Variants in MCF2L observed in about 807,000 individuals in gnomAD.
MCF2L encodes guanine nucleotide exchange factor DBS.
Under a neutral mutation model 153.4 loss-of-function variants are expected in MCF2L, and 97 were observed. The observed-to-expected ratio is 0.63, with a 90% CI of 0.54 to 0.75. MCF2L has a LOEUF of 0.75. MCF2L is among the 30% of genes least tolerant of loss of function. MCF2L has a pLI of 0.00. For synonymous variants in MCF2L, 659 were observed against 632.2 expected, an observed-to-expected ratio of 1.04 and a Z score of -0.64; for missense variants, 1,347 against 1,495.2, an observed-to-expected ratio of 0.90 and a Z score of 1.64.
At position 113,060,632 on chromosome 13, in the gene MCF2L, C is replaced by G; in HGVS notation, c.409C>G (p.Arg137Gly). Reference protein sequence around the residue: ...PANLQLVLVLRPTGFFQRTLS... With the variant: ...PANLQLVLVLGPTGFFQRTLS... ...AAACCTGCAGCTCGTCCTCGTGCTT[C>G]GCCCGACGGGTTTTTTCCAAAGGAC... The change falls in exon 5 of 30, where the codon CGC (arginine) becomes GGC (glycine). Residue 137 changes from arginine (R) to glycine (G), a missense_variant. Physicochemically the swap from Arg to Gly is moderately radical, Grantham distance 125 (BLOSUM62 -2). Coordinates refer to ENST00000535094, the MANE Select transcript of MCF2L (RefSeq NM_001112732.3). 6.2e-7 allele frequency: 1 copy of G among 1,613,592 alleles called. No individual in the cohort carries two copies.
chr13:113,088,931 T>C (rs1279361256), intron 25 of MCF2L, among the ~76,000 whole-genome samples: 3 of 152,212 alleles, frequency 2.0e-5, no homozygotes, highest in Non-Finnish European at 4.4e-5. Context: ...CAGTCGGGGC[T>C]CAGCTGGGAG....
intron 1 of MCF2L, among the ~76,000 whole-genome samples, chr13:112,899,366 C>T (rs139689410): frequency 2.9e-3 from 444 of 152,298 alleles, no homozygotes; most frequent in African/African-American, 9.1e-3. Flanking sequence ...CCAAGGGTGG[C>T]GGCGCCTGTT....
intron 2 of MCF2L, among the ~76,000 whole-genome samples, chr13:113,019,049 T>C (rs950434667): frequency 1.3e-5 from 2 of 152,134 alleles, no homozygotes; most frequent in Non-Finnish European, 2.9e-5. Context: ...GGAAGAACGC[T>C]GGAGACCTTC....
intron 4 of MCF2L, among the ~76,000 whole-genome samples, chr13:113,047,854 G>A (rs1428593862): frequency 6.6e-6 from 1 of 151,460 alleles, no homozygotes; most frequent in African/African-American, 2.4e-5. Context: ...CTCTGCTCAC[G>A]CCTCACTACG....
At chr13:113,036,321 G>A (rs2086149710) in intron 3 of MCF2L, among the ~76,000 whole-genome samples, 1 of 152,248 alleles carries the variant, frequency 6.6e-6, no homozygotes, top group East Asian at 1.9e-4. Flanking sequence ...CACAGCCAGA[G>A]TTCTAAGACA....
intron 11 of MCF2L, 135 bp downstream of exon 11, chr13:113,075,324 T>A: frequency 1.4e-6 from 1 of 707,380 alleles, no homozygotes; most frequent in South Asian, 2.4e-5. Flanking sequence ...ACCCTTCGTT[T>A]CTGGTCTTGT....
chr13:113,036,354 C>T (rs750331488), intron 3 of MCF2L, among the ~76,000 whole-genome samples: 1 of 152,226 alleles, frequency 6.6e-6, no homozygotes, highest in African/African-American at 2.4e-5. Flanking sequence ...ACTTTTCTTT[C>T]GCTATTTCTT....
intron 1 of MCF2L, chr13:113,001,557 G>C (rs2083377231): frequency 5.3e-6 from 2 of 378,896 alleles, no homozygotes; most frequent in Non-Finnish European, 8.3e-6. Context: ...CCACTCAGTG[G>C]ATGGGACTTT....
chr13:112,902,043 C>G (rs9603986), intron 1 of MCF2L, among the ~76,000 whole-genome samples: 1 of 152,164 alleles, frequency 6.6e-6, no homozygotes, highest in Non-Finnish European at 1.5e-5. Context: ...GGAAATTGAC[C>G]GGAGAAGAAT....
chr13:113,094,621 G>A lies in MCF2L; in HGVS notation c.3061G>A (p.Gly1021Ser). 3 of 1,610,934 alleles carry A rather than the reference G, an allele frequency of 1.9e-6. No individual in the cohort carries two copies. Among genetic ancestry groups the A allele is most frequent in the Non-Finnish European group, 2.5e-6 (3 of 1,179,150 alleles). ...SSDAEEDGGL[G>S]PKKLVPGKYT... ...CGACGCAGAGGAGGACGGCGGGTTG[G>A]GCCCCAAGAAGCTGGTAACCACGGC... Residue 1021 changes from glycine (G) to serine (S), a missense_variant, in exon 27 of 30, where the codon GGC becomes AGC. By Grantham distance (56) the Gly-to-Ser change is moderately conservative. This residue lies in a region of MCF2L where 383 missense variants were observed against 335.4 expected (regional missense o/e 1.14). Transcript: ENST00000535094.
chr13:112,996,584 C>T (rs2083142836), intron 1 of MCF2L, among the ~76,000 whole-genome samples: 1 of 152,194 alleles, frequency 6.6e-6, no homozygotes, highest in Non-Finnish European at 1.5e-5. Context: ...CCTTCAGAGG[C>T]CCTGCGTCTC....
At chr13:113,016,091 G>A (rs967101241) in intron 2 of MCF2L, among the ~76,000 whole-genome samples, 7 of 152,182 alleles carry the variant, frequency 4.6e-5, no homozygotes, top group South Asian at 2.1e-4. Context: ...GTCCCAGGAC[G>A]GCCCCAGCCA....
chr13:112,962,557 A>T (rs1189014762), intron 2 of MCF2L, among the ~76,000 whole-genome samples: 9 of 152,088 alleles, frequency 5.9e-5, no homozygotes, highest in Admixed American at 5.2e-4. Context: ...CAGCCTTCAC[A>T]CCTGACAGCA....
In MCF2L at chr13:113,028,887, GGT is replaced by G. The variant is rs2085470919; in HGVS notation, c.278+4138_278+4139del. ...TGCGGGGTGTGTGTGGGGTATGTGTGGTGTGTGTGTAATGTGAGCATGTGGCA... is the reference window on the plus strand; with the variant it reads ...TGCGGGGTGTGTGTGGGGTATGTGTGGTGTGTGTAATGTGAGCATGTGGCA... On this transcript the variant is annotated intron_variant, in intron 3 of 29. Transcript: ENST00000535094. This position sits in a 1 kb window ranked among gnomAD's most constrained non-coding sequence, Gnocchi z 5.4. Among the ~76,000 whole-genome samples the G allele has an allele frequency of 6.6e-6, 1 of 150,464 alleles. No homozygotes were observed. The highest frequency in any genetic ancestry group is 6.6e-5 in the Admixed American group (1 of 15,066).
In MCF2L at chr13:113,046,376, A is replaced by G. The variant is rs979359209; in HGVS notation, c.369+1015A>G. 1 of 383,548 alleles carries G rather than the reference A, an allele frequency of 2.6e-6. No homozygotes were observed. The highest frequency in any genetic ancestry group is 5.1e-6 in the Non-Finnish European group (1 of 196,332). 23.8% of individuals were successfully genotyped at this position (383,548 alleles called of 1,614,324 possible). A position where few individuals can be genotyped will look rare whatever the true frequency, so the allele number is the denominator to read the frequency against. On this transcript the variant is annotated intron_variant, in intron 4 of 29. Coordinates refer to ENST00000535094, the MANE Select transcript of MCF2L (RefSeq NM_001112732.3). This position sits in a 1 kb window ranked among gnomAD's most constrained non-coding sequence, Gnocchi z 4.4. ...CTGGGACCCTGGGTCCTCAGCTGTG[A>G]TGGCACAATTGCTCCAAGCATTCCC...
At chr13:112,913,804 A>G (rs1230493150) in intron 2 of MCF2L, among the ~76,000 whole-genome samples, 1 of 151,964 alleles carries the variant, frequency 6.6e-6, no homozygotes, top group African/African-American at 2.4e-5. Context: ...AATGTCTTTA[A>G]TTTTGCACTC....
At chr13:113,084,809 C>CGTGTAAT (rs1701856587) in intron 18 of MCF2L, 83 bp from the exon 19 acceptor site, 4 of 1,015,598 alleles carry the variant, frequency 3.9e-6, no homozygotes, top group Admixed American at 3.6e-5. Context: ...CGTCCCTCAC[C>CGTGTAAT]GCGTAATGCG....
intron 2 of MCF2L, among the ~76,000 whole-genome samples, chr13:112,921,478 A>G (rs34160544): frequency 0.23 from 34,481 of 152,182 alleles, 4,378 homozygotes; most frequent in South Asian, 0.3. Flanking sequence ...GTGGAAAACA[A>G]TCAGGAACCA....
At chr13:113,001,985 T>G in intron 1 of MCF2L, 1 of 1,579,292 alleles carries the variant, frequency 6.3e-7, no homozygotes, top group Non-Finnish European at 8.5e-7. Flanking sequence ...CCGGCGCAGG[T>G]GCGTGGGGCG....
Sources: gnomAD v4.1 joint callset for allele counts (sites outside exome capture counted in the v4.1 genomes callset) on GRCh38, gnomAD v4.1.1 for gene constraint, gnomAD v4.1.1 regional missense constraint, Gnocchi (gnomAD v3.1) non-coding constraint, MANE v1.5 for transcripts, NCBI Gene and HGNC (gene_info 2026-07-23, HGNC 2026-07-21) for gene names.